RAB38: variants seen among roughly 807,000 people sequenced by gnomAD.
The protein encoded by RAB38 is RAB38, member RAS oncogene family, also known as ras-related protein Rab-38.
RAB38 carries 15 observed loss-of-function variants against 18.4 expected under a neutral mutation model. That is an observed-to-expected ratio of 0.82 (90% CI 0.55 to 1.26). The LOEUF is 1.26. RAB38 is among the 50% of genes most tolerant of loss of function. The pLI is 0.00. For synonymous variants in RAB38, 101 were observed against 104.4 expected, an observed-to-expected ratio of 0.97 and a Z score of 0.20; for missense variants, 294 against 267.4, an observed-to-expected ratio of 1.10 and a Z score of -0.69.
chr11:87,957,987 A>T, the RAB38 span, among the ~76,000 whole-genome samples: 3 of 152,160 alleles, frequency 2.0e-5, no homozygotes. Context: ...AGCTGGTCCC[A>T]GACTTACAAT....
chr11:88,129,968 G>C (rs573924553), intron 2 of RAB38, among the ~76,000 whole-genome samples: 8 of 152,266 alleles, frequency 5.3e-5, no homozygotes, highest in Admixed American at 3.9e-4. Context: ...TTGAACCAAG[G>C]ATAGTGTAGG....
the RAB38 span, among the ~76,000 whole-genome samples, chr11:88,008,010 T>C: frequency 6.6e-5 from 10 of 152,082 alleles, no homozygotes; most frequent in Non-Finnish European, 1.3e-4. Context: ...TCCATGTATA[T>C]AAAATTCACA....
At chr11:88,121,019 A>C (rs1942621670) in intron 2 of RAB38, among the ~76,000 whole-genome samples, 1 of 152,206 alleles carries the variant, frequency 6.6e-6, no homozygotes, top group African/African-American at 2.4e-5. Flanking sequence ...ACTGAGCCTC[A>C]CAGGGAATAT....
chr11:87,827,281 TTTATTTTTA>T, the RAB38 span, among the ~76,000 whole-genome samples: 1 of 151,968 alleles, frequency 6.6e-6, no homozygotes, highest in African/African-American at 2.4e-5. Context: ...AGTTTTTATT[TTTATTTTTA>T]TTATTTTTTT....
At chr11:87,873,508 A>G in the RAB38 span, among the ~76,000 whole-genome samples, 1 of 151,468 alleles carries the variant, frequency 6.6e-6, no homozygotes, top group Non-Finnish European at 1.5e-5. Flanking sequence ...CTGGTGTTGT[A>G]TCTAAAAAGT....
At chr11:88,131,014 C>T (rs1942761469) in intron 2 of RAB38, among the ~76,000 whole-genome samples, 1 of 151,680 alleles carries the variant, frequency 6.6e-6, no homozygotes, top group Non-Finnish European at 1.5e-5. Flanking sequence ...TCTAGTAAAT[C>T]TAAGAGTAAG....
chr11:88,041,978 T>C, the RAB38 span, among the ~76,000 whole-genome samples: 1 of 152,064 alleles, frequency 6.6e-6, no homozygotes. Context: ...AATGGAGAAC[T>C]AGACCCCAAA....
chr11:87,965,536 C>T, the RAB38 span, among the ~76,000 whole-genome samples: 3 of 152,150 alleles, frequency 2.0e-5, no homozygotes, highest in Admixed American at 2.0e-4. Context: ...CGCTCAACTC[C>T]TTCACTCTTT....
chr11:88,078,089 C>G, the RAB38 span, among the ~76,000 whole-genome samples: 1 of 151,946 alleles, frequency 6.6e-6, no homozygotes, highest in African/African-American at 2.4e-5. Context: ...CATCACTAAT[C>G]AGAAAAATGT....
intron 2 of RAB38, among the ~76,000 whole-genome samples, chr11:88,146,108 G>A (rs1399379587): frequency 6.6e-6 from 1 of 152,088 alleles, no homozygotes; most frequent in East Asian, 1.9e-4. Flanking sequence ...TGCCAGCCAG[G>A]GGCTACCATG....
chr11:87,963,450 A>G, the RAB38 span, among the ~76,000 whole-genome samples: 2 of 152,174 alleles, frequency 1.3e-5, no homozygotes, highest in Non-Finnish European at 2.9e-5. Flanking sequence ...CTTAAATCCT[A>G]TAAAATCACA....
the RAB38 span, among the ~76,000 whole-genome samples, chr11:87,973,606 G>A: frequency 2.1e-5 from 3 of 144,040 alleles, no homozygotes; most frequent in East Asian, 5.8e-4. Context: ...TGAAATTTTG[G>A]TGTAGGTTAC....
chr11:88,139,794 C>G (rs543610374), intron 2 of RAB38, among the ~76,000 whole-genome samples: 1 of 152,288 alleles, frequency 6.6e-6, no homozygotes, highest in Non-Finnish European at 1.5e-5. Flanking sequence ...ACAACTTTTA[C>G]AAGAATCATT....
the RAB38 span, among the ~76,000 whole-genome samples, chr11:88,056,758 C>T: frequency 1.3e-5 from 2 of 152,098 alleles, no homozygotes; most frequent in East Asian, 3.9e-4. Flanking sequence ...GAGCCAAGAT[C>T]GCACCACTGC....
chr11:87,823,854 G>A, the RAB38 span, among the ~76,000 whole-genome samples: 1 of 152,026 alleles, frequency 6.6e-6, no homozygotes, highest in South Asian at 2.1e-4. Context: ...AATATACAGA[G>A]TGAAAGAGGC....
intron 1 of RAB38, among the ~76,000 whole-genome samples, chr11:88,162,967 T>C (rs565862289): frequency 6.6e-6 from 1 of 152,256 alleles, no homozygotes; most frequent in South Asian, 2.1e-4. Context: ...TTTAAGGTTG[T>C]ACCCAAGCTC....
the RAB38 span, among the ~76,000 whole-genome samples, chr11:87,821,845 C>T: frequency 6.9e-6 from 1 of 144,622 alleles, no homozygotes; most frequent in Non-Finnish European, 1.5e-5. Context: ...AGCGACACTC[C>T]GTCTTAAAAA....
At chr11:87,894,848 G>A in the RAB38 span, among the ~76,000 whole-genome samples, 5 of 151,070 alleles carry the variant, frequency 3.3e-5, no homozygotes, top group Non-Finnish European at 7.4e-5. Context: ...GATAATATAG[G>A]CAAAATGTAT....
At chr11:88,108,324 T>C (rs1942427075), downstream of RAB38, among the ~76,000 whole-genome samples, 1 of 152,192 alleles carries the variant, frequency 6.6e-6, no homozygotes, top group South Asian at 2.1e-4. Flanking sequence ...GCATATATAT[T>C]TAGGATAGTT....
Sources: gnomAD v4.1 joint callset for allele counts (sites outside exome capture counted in the v4.1 genomes callset) on GRCh38, gnomAD v4.1.1 for gene constraint, MANE v1.5 for transcripts, NCBI Gene and HGNC (gene_info 2026-07-23, HGNC 2026-07-21) for gene names.